The following PLK3 variants were observed in gnomAD, a reference collection of about 807,000 sequenced individuals.
The protein encoded by PLK3 is serine/threonine-protein kinase PLK3.
PLK3 carries 41 observed loss-of-function variants against 71.6 expected under a neutral mutation model. That is an observed-to-expected ratio of 0.57 (90% CI 0.45 to 0.74). The LOEUF is 0.74. Among genes scored for constraint, PLK3 ranks in the 30% least tolerant of loss-of-function variants. The pLI is 0.00. For synonymous variants in PLK3, 366 were observed against 355.4 expected (o/e 1.03, Z -0.33); for missense variants, 791 against 875.6 (o/e 0.90, Z 1.22).
Position 44,800,845 on chromosome 1 carries a change from C to A in PLK3, c.216C>A (p.Gly72=). The change falls in exon 2 of 15, where the codon GGC becomes GGA. Residue 72 remains glycine, a synonymous_variant. Transcript: ENST00000372201. The surrounding 1 kb of genome is among the most constrained non-coding windows in gnomAD (Gnocchi z 6.5). ...CTGATGCCCCCTCTTCACAGGGGGGCTTCGCCCGCTGCTACGAGGCCACTG... is the reference window on the plus strand; with the variant it reads ...CTGATGCCCCCTCTTCACAGGGGGGATTCGCCCGCTGCTACGAGGCCACTG... The part of the protein sequence containing the change: ...YLKGRLLGKG[G]FARCYEATDT... The A allele has an allele frequency of 6.2e-7, 1 of 1,609,138 alleles. No individual in the cohort carries two copies. The highest frequency in any genetic ancestry group is 8.5e-7 in the Non-Finnish European group (1 of 1,179,016).
In PLK3 at chr1:44,805,249, C is replaced by A; in HGVS notation, c.1636-17C>A. ...GTCTCACGCTGGATCAGTGACCTGCCCTGATCCTGCTCCCAGGGTGGAGAT... is the reference window on the plus strand; with the variant it reads ...GTCTCACGCTGGATCAGTGACCTGCACTGATCCTGCTCCCAGGGTGGAGAT... On this transcript the variant is annotated splice_polypyrimidine_tract_variant and intron_variant, in intron 13 of 14. Coordinates refer to ENST00000372201, the MANE Select transcript of PLK3 (RefSeq NM_004073.4). The A allele has an allele frequency of 6.5e-7, 1 of 1,549,750 alleles. No homozygotes were observed. The highest frequency in any genetic ancestry group is 8.9e-7 in the Non-Finnish European group (1 of 1,121,400).
Position 44,803,907 on chromosome 1 carries a change from C to G in PLK3, c.1165-24C>G, listed in dbSNP as rs1651921757. 2 of 1,514,670 alleles carry G rather than the reference C, an allele frequency of 1.3e-6. No individual in the cohort carries two copies. The highest frequency in any genetic ancestry group is 2.8e-5 in the African/African-American group (2 of 72,206). The allele number at this position is 1,514,670 out of a possible 1,614,324, so 93.8% of individuals were successfully genotyped here. ...TTTGGATTTTGGGGCCTGTGTCACTCCCTTTCCCTGCCCAACCCTCCAGGC... is the reference window on the plus strand; with the variant it reads ...TTTGGATTTTGGGGCCTGTGTCACTGCCTTTCCCTGCCCAACCCTCCAGGC... On this transcript the variant is annotated intron_variant, in intron 9 of 14. Coordinates refer to ENST00000372201, the MANE Select transcript of PLK3 (RefSeq NM_004073.4). The surrounding 1 kb of genome is among the most constrained non-coding windows in gnomAD (Gnocchi z 4.3).
rs1226881120 is a variant in PLK3, at chr1:44,805,881, A to C, written c.*203A>C. The C allele has an allele frequency of 1.4e-6, 2 of 1,431,382 alleles. No homozygotes were observed. Among genetic ancestry groups the C allele is most frequent in the South Asian group, 2.9e-5 (2 of 67,928 alleles). The allele number at this position is 1,431,382 out of a possible 1,614,324, so 88.7% of individuals were successfully genotyped here. Reference sequence around the variant, plus strand: ...AAGATAAGCCTGAGCCTTAGCTCCCAGCTAGGGGGCGTTATTTATGGACCA... The same window carrying C: ...AAGATAAGCCTGAGCCTTAGCTCCCCGCTAGGGGGCGTTATTTATGGACCA... On this transcript the variant is annotated 3_prime_UTR_variant, in exon 15 of 15. Coordinates refer to ENST00000372201, the MANE Select transcript of PLK3 (RefSeq NM_004073.4).
In PLK3 at chr1:44,802,840, C is replaced by T. The variant is rs1651875709; in HGVS notation, c.734C>T (p.Ser245Leu). 1 of 1,613,624 alleles carries T rather than the reference C, an allele frequency of 6.2e-7. No individual in the cohort carries two copies. Among genetic ancestry groups the T allele is most frequent in the East Asian group, 2.2e-5 (1 of 44,878 alleles). ...CACGGCCCTGAGGCGGATGTATGGTCACTGGGCTGTGTCATGTGAGTTGCA... is the reference window on the plus strand; with the variant it reads ...CACGGCCCTGAGGCGGATGTATGGTTACTGGGCTGTGTCATGTGAGTTGCA... ...QGHGPEADVW[S>L]LGCVMYTLLC... The change falls in exon 6 of 15, where the codon TCA becomes TTA. Residue 245 changes from serine to leucine, a missense_variant. Transcript: ENST00000372201.
Position 44,801,635 on chromosome 1 carries a change from T to C in PLK3, c.449T>C (p.Ile150Thr), listed in dbSNP as rs1252534059. The C allele has an allele frequency of 1.2e-6, 2 of 1,613,470 alleles. No individual in the cohort carries two copies. The highest frequency in any genetic ancestry group is 1.7e-6 in the Non-Finnish European group (2 of 1,179,868). Residue 150 changes from isoleucine to threonine, a missense_variant, in exon 4 of 15, where the codon ATC becomes ACC. By Grantham distance (89) the Ile-to-Thr change is moderately conservative (BLOSUM62 -1). Transcript: ENST00000372201. ...ELCSRKSLAHIWKARHTLLEP... is the reference protein window; with the variant it reads ...ELCSRKSLAHTWKARHTLLEP... The stretch of plus-strand genomic sequence containing the variant: ...GGCTCTCTGCAGTCCCTGGCCCACA[T>C]CTGGAAGGCCCGGCACACCCTGTTG...
Position 44,800,533 on chromosome 1 carries a change from G to C in PLK3, c.70G>C (p.Ala24Pro). 1 of 1,467,274 alleles carries C rather than the reference G, an allele frequency of 6.8e-7. No homozygotes were observed. The highest frequency in any genetic ancestry group is 1.5e-5 in the African/African-American group (1 of 67,762). The allele number at this position is 1,467,274 out of a possible 1,614,324, so 90.9% of individuals were successfully genotyped here. The change falls in exon 1 of 15, where the codon GCC becomes CCC. Residue 24 changes from alanine to proline, a missense_variant. Coordinates refer to ENST00000372201, the MANE Select transcript of PLK3 (RefSeq NM_004073.4). The surrounding 1 kb of genome is among the most constrained non-coding windows in gnomAD (Gnocchi z 6.5). ...QRAAAAPAPP[A>P]GPGPPPSALR... ...TGCGGCCGCCGCGCCCGCTCCCCCGGCCGGGCCCGGGCCGCCTCCGAGTGC... is the reference window on the plus strand; with the variant it reads ...TGCGGCCGCCGCGCCCGCTCCCCCGCCCGGGCCCGGGCCGCCTCCGAGTGC...
chr1:44,801,765 G>T lies in PLK3; in HGVS notation c.565+14G>T. The stretch of plus-strand genomic sequence containing the variant: ...ACCTCAAGTTGGGTGAGACTCCTGA[G>T]CCTGGAGGATGGGAGGTTGGGGAGG... On this transcript the variant is annotated intron_variant, in intron 4 of 14. Transcript: ENST00000372201. 1 of 1,528,176 alleles carries T rather than the reference G, an allele frequency of 6.5e-7. No individual in the cohort carries two copies. Among genetic ancestry groups the T allele is most frequent in the Non-Finnish European group, 9.0e-7 (1 of 1,113,510 alleles). 94.7% of individuals were successfully genotyped at this position (1,528,176 alleles called of 1,614,324 possible).
In PLK3 at chr1:44,800,459, G is replaced by A; in HGVS notation, c.-5G>A. Reference sequence around the variant, plus strand: ...GCCGGGACCGCGCTGCGACGCGCCGGCCGCATGGAGCCTGCCGCCGGTTTC... The same window carrying A: ...GCCGGGACCGCGCTGCGACGCGCCGACCGCATGGAGCCTGCCGCCGGTTTC... On this transcript the variant is annotated 5_prime_UTR_variant, in exon 1 of 15. Transcript: ENST00000372201. The surrounding 1 kb of genome is among the most constrained non-coding windows in gnomAD (Gnocchi z 6.5). The A allele has an allele frequency of 7.3e-7, 1 of 1,361,248 alleles. No homozygotes were observed. Among genetic ancestry groups the A allele is most frequent in the Non-Finnish European group, 9.4e-7 (1 of 1,063,774 alleles). The allele number at this position is 1,361,248 out of a possible 1,614,324, so 84.3% of individuals were successfully genotyped here. A position where few individuals can be genotyped will look rare whatever the true frequency, so the allele number is the denominator to read the frequency against.
At position 44,803,980 on chromosome 1, in the gene PLK3, C is replaced by A; in HGVS notation, c.1214C>A (p.Pro405His). 5 of 1,553,344 alleles carry A rather than the reference C, an allele frequency of 3.2e-6. No individual in the cohort carries two copies. Among genetic ancestry groups the A allele is most frequent in the Non-Finnish European group, 4.4e-6 (5 of 1,147,580 alleles). Reference protein sequence around the residue: ...PAPVSLVETAPEDSSPRGTLA... With the variant: ...PAPVSLVETAHEDSSPRGTLA... ...CCTGTCAGCCTGGTAGAGACAGCAC[C>A]TGAAGACAGCTCACCCCGTGGGACA... The change falls in exon 10 of 15, where the codon CCT becomes CAT. Residue 405 changes from proline to histidine, a missense_variant. Transcript: ENST00000372201. This position sits in a 1 kb window ranked among gnomAD's most constrained non-coding sequence, Gnocchi z 4.3.
At position 44,803,635 on chromosome 1, in the gene PLK3, G is replaced by C. The variant is rs147444562; in HGVS notation, c.1108G>C (p.Gly370Arg). ...TGCCCAGGAGAGGGATGAGGTCTCC[G>C]GTTTGGTGAGCGGCCTCATGCGCAC... ...NHAQERDEVS[G>R]LVSGLMRTSV... The change falls in exon 9 of 15, where the codon GGT (glycine) becomes CGT (arginine). Residue 370 changes from glycine to arginine, a missense_variant. Coordinates refer to ENST00000372201, the MANE Select transcript of PLK3 (RefSeq NM_004073.4). This position sits in a 1 kb window ranked among gnomAD's most constrained non-coding sequence, Gnocchi z 4.3. The C allele has an allele frequency of 6.2e-7, 1 of 1,614,028 alleles. No individual in the cohort carries two copies. Among genetic ancestry groups the C allele is most frequent in the Non-Finnish European group, 8.5e-7 (1 of 1,179,938 alleles).
Position 44,802,936 on chromosome 1 carries a change from C to T in PLK3, c.750-19C>T, listed in dbSNP as rs369062459. ...CATCTCCTCCACTTTACTCCTGACCCCTTGGCCCTGCCCTATAGGTACACG... is the reference window on the plus strand; with the variant it reads ...CATCTCCTCCACTTTACTCCTGACCTCTTGGCCCTGCCCTATAGGTACACG... On this transcript the variant is annotated intron_variant, in intron 6 of 14. Transcript: ENST00000372201. 272 of 1,613,562 alleles carry T rather than the reference C, an allele frequency of 1.7e-4. 1 individual carries two copies. Among genetic ancestry groups the T allele is most frequent in the African/African-American group, 1.3e-3 (99 of 75,006 alleles).
Position 44,803,954 on chromosome 1 carries a change from C to G in PLK3, c.1188C>G (p.Ala396=). 1 of 1,551,866 alleles carries G rather than the reference C, an allele frequency of 6.4e-7. No individual in the cohort carries two copies. The highest frequency in any genetic ancestry group is 8.7e-7 in the Non-Finnish European group (1 of 1,146,938). The part of the protein sequence containing the change: ...RPEAPAASGP[A]PVSLVETAPE... ...AGGCTCCAGCAGCTTCTGGCCCAGC[C>G]CCTGTCAGCCTGGTAGAGACAGCAC... Residue 396 remains alanine (A), a synonymous_variant, in exon 10 of 15, where the codon GCC becomes GCG. Transcript: ENST00000372201. This position sits in a 1 kb window ranked among gnomAD's most constrained non-coding sequence, Gnocchi z 4.3.
chr1:44,804,859 A>C (rs1372090766), intron 13 of PLK3, 80 bp downstream of exon 13: 1 of 1,417,170 alleles, frequency 7.1e-7, no homozygotes, highest in African/African-American at 1.4e-5. Flanking sequence ...TAATCCCAGC[A>C]CTTTGGGAGG....
Position 44,804,016 on chromosome 1 carries a change from G to C in PLK3, c.1250G>C (p.Ser417Thr). Residue 417 changes from serine (S) to threonine (T), a missense_variant, in exon 10 of 15, where the codon AGT becomes ACT. Coordinates refer to ENST00000372201, the MANE Select transcript of PLK3 (RefSeq NM_004073.4). ...DSSPRGTLASSGDGFEEGLTV... is the reference protein window; with the variant it reads ...DSSPRGTLASTGDGFEEGLTV... ...TCACCCCGTGGGACACTGGCAAGCA[G>C]TGGAGATGGTGAGGAGCCAGGGAGG... 1.3e-6 allele frequency: 2 copies of C among 1,554,442 alleles called. No homozygotes were observed. Among genetic ancestry groups the C allele is most frequent in the Non-Finnish European group, 1.7e-6 (2 of 1,146,256 alleles).
rs1652010417 is a variant in PLK3 at position 44,805,711 on chromosome 1, G to C, written c.*33G>C. 2.5e-6 allele frequency: 4 copies of C among 1,595,192 alleles called. No individual in the cohort carries two copies. The highest frequency in any genetic ancestry group is 3.4e-6 in the Non-Finnish European group (4 of 1,169,770). On this transcript the variant is annotated 3_prime_UTR_variant, in exon 15 of 15. Coordinates refer to ENST00000372201, the MANE Select transcript of PLK3 (RefSeq NM_004073.4). The stretch of plus-strand genomic sequence containing the variant: ...GCCCTGAGGCCTGAGGCCTGTGCCT[G>C]TCAGGCTCTGGCCCTTGCCTTTGTG...
In PLK3 at chr1:44,800,562, G is replaced by C. The variant is rs1317697242; in HGVS notation, c.99G>C (p.Leu33Phe). The C allele has an allele frequency of 6.6e-7, 1 of 1,519,098 alleles. No individual in the cohort carries two copies. Among genetic ancestry groups the C allele is most frequent in the Non-Finnish European group, 8.8e-7 (1 of 1,139,848 alleles). The allele number at this position is 1,519,098 out of a possible 1,614,324, so 94.1% of individuals were successfully genotyped here. A position where few individuals can be genotyped will look rare whatever the true frequency, so the allele number is the denominator to read the frequency against. Residue 33 changes from leucine (L) to phenylalanine (F), a missense_variant, in exon 1 of 15, where the codon TTG becomes TTC. Physicochemically the swap from Leu to Phe is conservative, Grantham distance 22. Coordinates refer to ENST00000372201, the MANE Select transcript of PLK3 (RefSeq NM_004073.4). The surrounding 1 kb of genome is among the most constrained non-coding windows in gnomAD (Gnocchi z 6.5). Reference protein sequence around the residue: ...PAGPGPPPSALRGPELEMLAG... With the variant: ...PAGPGPPPSAFRGPELEMLAG... ...GGCCCGGGCCGCCTCCGAGTGCCTT[G>C]CGCGGACCTGAGCTGGAGATGCTGG... is the stretch of plus-strand genomic sequence containing the variant.
At chr1:44,802,714 C>A in intron 5 of PLK3, 46 bp from the exon 6 acceptor site, 1 of 1,358,008 alleles carries the variant, frequency 7.4e-7, no homozygotes, top group Non-Finnish European at 1.1e-6. Context: ...CGGGGGGCTG[C>A]TGGGCTGGGT....
intron 12 of PLK3, 60 bp downstream of exon 12, chr1:44,804,561 C>G (rs1003244660): frequency 6.2e-7 from 1 of 1,604,824 alleles, no homozygotes; most frequent in African/African-American, 1.3e-5. Flanking sequence ...GCCGCACCCT[C>G]GTGAGTGCTC....
At position 44,800,585 on chromosome 1, in the gene PLK3, T is replaced by C. The variant is rs1651793737; in HGVS notation, c.122T>C (p.Leu41Pro). ...SALRGPELEM[L>P]AGLPTSDPGR... ...TTGCGCGGACCTGAGCTGGAGATGC[T>C]GGCCGGGCTACCGACGTCAGACCCC... The change falls in exon 1 of 15, where the codon CTG becomes CCG. Residue 41 changes from leucine (L) to proline (P), a missense_variant. Transcript: ENST00000372201. This position sits in a 1 kb window ranked among gnomAD's most constrained non-coding sequence, Gnocchi z 6.5. The C allele has an allele frequency of 6.5e-7, 1 of 1,536,174 alleles. No homozygotes were observed. Among genetic ancestry groups the C allele is most frequent in the Non-Finnish European group, 8.7e-7 (1 of 1,145,410 alleles).
Sources: allele counts gnomAD v4.1 joint callset, GRCh38; gene constraint gnomAD v4.1.1; non-coding constraint Gnocchi (gnomAD v3.1); transcripts MANE v1.5; gene names NCBI Gene and HGNC (gene_info 2026-07-23, HGNC 2026-07-21).